ITFG1: variants seen among roughly 807,000 people sequenced by gnomAD.
ITFG1 encodes the protein T-cell immunomodulatory protein.
ITFG1 carries 34 observed loss-of-function variants against 81.8 expected under a neutral mutation model. The observed-to-expected ratio is 0.42, with a 90% CI of 0.32 to 0.55. The LOEUF (loss-of-function observed/expected upper bound fraction) is 0.55. Among genes scored for constraint, ITFG1 ranks in the 20% least tolerant of loss-of-function variants. The pLI is 0.17. For missense variants in ITFG1, 672 were observed against 755.4 expected, an observed-to-expected ratio of 0.89 and a Z score of 1.29; for synonymous variants, 285 against 270.6, an observed-to-expected ratio of 1.05 and a Z score of -0.52.
intron 14 of ITFG1, among the ~76,000 whole-genome samples, chr16:47,187,341 A>G (rs1220245713): frequency 2.6e-5 from 4 of 152,298 alleles, no homozygotes; most frequent in Admixed American, 1.3e-4. Context: ...TGGAGGCATC[A>G]TGCTACCTGA....
rs914680398 is a variant in ITFG1 at position 47,394,550 on chromosome 16, G to T, written c.656-18610C>A. Among the ~76,000 whole-genome samples, 3 of 151,968 alleles carry T rather than the reference G, an allele frequency of 2.0e-5. No individual in the cohort carries two copies. The East Asian group carries it at 5.8e-4, about 29-fold the overall frequency. ...TCTGTCAAAAGTACTGTGTCATGTG[G>T]ACTATGTTTTCCTAGAGCAGAAAGG... On this transcript the variant is annotated intron_variant, in intron 6 of 17. Transcript: ENST00000320640.
At position 47,162,668 on chromosome 16, in the gene ITFG1, G is replaced by C. The variant is rs1567410594; in HGVS notation, c.1454-4C>G. 1 of 1,573,312 alleles carries C rather than the reference G, an allele frequency of 6.4e-7. No individual in the cohort carries two copies. Among genetic ancestry groups the C allele is most frequent in the Non-Finnish European group, 8.6e-7 (1 of 1,165,020 alleles). Reference sequence around the variant, plus strand: ...GCGGATTGGCTGAGTTGGCCAGCTAGAGTTATTCAATTAAAAAAAAATTAA... The same window carrying C: ...GCGGATTGGCTGAGTTGGCCAGCTACAGTTATTCAATTAAAAAAAAATTAA... On this transcript the variant is annotated splice_polypyrimidine_tract_variant and splice_region_variant and intron_variant, in intron 14 of 17. Transcript: ENST00000320640.
intron 6 of ITFG1, among the ~76,000 whole-genome samples, chr16:47,387,285 C>T (rs1412865866): frequency 1.3e-5 from 2 of 152,172 alleles, no homozygotes; most frequent in African/African-American, 2.4e-5. Flanking sequence ...TTGAAATAGT[C>T]TAGCCAGTCA....
At chr16:47,419,656 G>A (rs1968919284) in intron 6 of ITFG1, among the ~76,000 whole-genome samples, 1 of 142,612 alleles carries the variant, frequency 7.0e-6, no homozygotes. Context: ...ACCCAGACTG[G>A]AGTGTGGTGG....
chr16:47,349,254 G>T (rs1222269371), intron 8 of ITFG1, among the ~76,000 whole-genome samples: 1 of 152,034 alleles, frequency 6.6e-6, no homozygotes, highest in African/African-American at 2.4e-5. Context: ...CAATTAAAAG[G>T]CACGGACTGG....
chr16:47,359,169 G>T (rs894607487), intron 8 of ITFG1, among the ~76,000 whole-genome samples: 2 of 152,160 alleles, frequency 1.3e-5, no homozygotes, highest in Non-Finnish European at 2.9e-5. Context: ...AGAAACAAAG[G>T]CAGGATGCTT....
At chr16:47,172,822 C>T (rs116585967) in intron 14 of ITFG1, among the ~76,000 whole-genome samples, 258 of 152,284 alleles carry the variant, frequency 1.7e-3, no homozygotes, top group African/African-American at 5.9e-3. Context: ...TTAATAGCTT[C>T]TAGTTGGTCT....
At chr16:47,271,872 C>A (rs773785666) in intron 10 of ITFG1, among the ~76,000 whole-genome samples, 12 of 151,932 alleles carry the variant, frequency 7.9e-5, no homozygotes, top group Non-Finnish European at 1.2e-4. Flanking sequence ...AACAAACAAA[C>A]AACAAAAACC....
chr16:47,353,426 A>G (rs1427686777), intron 8 of ITFG1, among the ~76,000 whole-genome samples: 3 of 152,144 alleles, frequency 2.0e-5, no homozygotes, highest in African/African-American at 7.2e-5. Flanking sequence ...TATATGACAA[A>G]CCTACAGCTA....
chr16:47,372,626 G>T (rs1968272027), intron 7 of ITFG1, among the ~76,000 whole-genome samples: 1 of 151,690 alleles, frequency 6.6e-6, no homozygotes, highest in Admixed American at 6.6e-5. Flanking sequence ...GCTAATTTTT[G>T]TATTTTTAGT....
At position 47,161,773 on chromosome 16, in the gene ITFG1, T is replaced by C; in HGVS notation, c.1638A>G (p.Pro546=). 1.2e-6 allele frequency: 2 copies of C among 1,611,228 alleles called. No individual in the cohort carries two copies. Among genetic ancestry groups the C allele is most frequent in the Non-Finnish European group, 1.7e-6 (2 of 1,177,462 alleles). Residue 546 remains proline (P), a synonymous_variant, in exon 16 of 18, where the codon CCA becomes CCG. Transcript: ENST00000320640. ...ACCTTCGAGGGACATTGTGAGGGTA[T>C]GGAATGACAATTAGCTGGGAATTTG... ...IIPNSQLIVI[P]YPHNVPRSWS... is the part of the protein sequence containing the mutation.
chr16:47,347,553 G>A (rs576445452), intron 8 of ITFG1, among the ~76,000 whole-genome samples: 16 of 152,130 alleles, frequency 1.1e-4, no homozygotes, highest in Admixed American at 7.2e-4. Flanking sequence ...TGGGAAGCCC[G>A]AAATGGGTGG....
chr16:47,399,541 C>T (rs914537056), intron 6 of ITFG1, among the ~76,000 whole-genome samples: 1 of 151,886 alleles, frequency 6.6e-6, no homozygotes, highest in Non-Finnish European at 1.5e-5. Context: ...CCGCTGCACT[C>T]CAGCCTGGGC....
intron 6 of ITFG1, among the ~76,000 whole-genome samples, chr16:47,392,320 G>A (rs148472943): frequency 1.1e-3 from 171 of 152,310 alleles, no homozygotes; most frequent in South Asian, 2.9e-3. Context: ...AGATGAGGAA[G>A]TGAGCCCTGT....
At chr16:47,296,202 G>A (rs1414126347) in intron 10 of ITFG1, among the ~76,000 whole-genome samples, 1 of 151,298 alleles carries the variant, frequency 6.6e-6, no homozygotes, top group African/African-American at 2.4e-5. Flanking sequence ...GCCCAAAGAC[G>A]CTGAGACTAC....
At chr16:47,208,391 T>C (rs951665125) in intron 14 of ITFG1, among the ~76,000 whole-genome samples, 1 of 152,212 alleles carries the variant, frequency 6.6e-6, no homozygotes, top group East Asian at 1.9e-4. Flanking sequence ...ACGCTAAAAG[T>C]ACTCATTAAG....
rs11649231 is a variant in ITFG1 at position 47,409,669 on chromosome 16, G to A, written c.655+19135C>T. 6.9e-4 allele frequency among the ~76,000 whole-genome samples: 104 copies of A among 149,856 alleles called. No individual in the cohort carries two copies. The East Asian group carries it at 0.019, about 28-fold the overall frequency. On this transcript the variant is annotated intron_variant, in intron 6 of 17. Transcript: ENST00000320640. The stretch of plus-strand genomic sequence containing the variant: ...CCTGACCTTGTGATCCACCCGCCTC[G>A]GCCTCCCAAAGTTCTGGGATTACAG...
intron 8 of ITFG1, among the ~76,000 whole-genome samples, chr16:47,323,512 T>C (rs951992826): frequency 3.3e-5 from 5 of 152,198 alleles, no homozygotes; most frequent in Admixed American, 1.3e-4. Context: ...TTTGGACTTC[T>C]CAGATTACAT....
intron 14 of ITFG1, among the ~76,000 whole-genome samples, chr16:47,170,736 CT>C (rs35976837): frequency 2.0e-4 from 24 of 121,140 alleles, no homozygotes; most frequent in Admixed American, 1.9e-4. Flanking sequence ...TCTAGATTAT[CT>C]TTTTTTTTTT....
Sources: allele counts gnomAD v4.1 joint callset (sites outside exome capture counted in the v4.1 genomes callset), GRCh38; gene constraint gnomAD v4.1.1; transcripts MANE v1.5; gene names NCBI Gene and HGNC (gene_info 2026-07-23, HGNC 2026-07-21).